The following SPAG1 variants were observed in gnomAD, a reference collection of about 807,000 sequenced individuals.
SPAG1 encodes sperm-associated antigen 1.
SPAG1 carries 69 observed loss-of-function variants against 100.5 expected under a neutral mutation model. That is an observed-to-expected ratio of 0.69 (90% CI 0.57 to 0.84). SPAG1 has a LOEUF of 0.84. Among genes scored for constraint, SPAG1 ranks in the 40% least tolerant of loss-of-function variants. SPAG1 has a pLI of 0.00. For missense variants in SPAG1, 955 were observed against 1,133.1 expected (o/e 0.84, Z 2.26); for synonymous variants, 336 against 411.6 (o/e 0.82, Z 2.22).
intron 12 of SPAG1, among the ~76,000 whole-genome samples, chr8:100,216,954 T>G (rs1334678923): frequency 1.1e-5 from 1 of 88,374 alleles, no homozygotes; most frequent in African/African-American, 4.8e-5. Flanking sequence ...TTTTTTTTTT[T>G]GAGACTGAGT....
At position 100,220,540 on chromosome 8, in the gene SPAG1, C is replaced by T. The variant is rs191135897; in HGVS notation, c.1688+109C>T. On this transcript the variant is annotated intron_variant, in intron 13 of 18. Coordinates refer to ENST00000388798, the MANE Select transcript of SPAG1 (RefSeq NM_003114.5). Reference sequence around the variant, plus strand: ...TAGATGTGTTATCAGTTACTTTTATCACCTGAATGATTGCCTTCTTTTATT... The same window carrying T: ...TAGATGTGTTATCAGTTACTTTTATTACCTGAATGATTGCCTTCTTTTATT... 4.4e-5 allele frequency: 39 copies of T among 877,448 alleles called. 2 individuals carry two copies. The African/African-American group carries it at 4.8e-4, about 11-fold the overall frequency. The allele number at this position is 877,448 out of a possible 1,614,324, so 54.4% of individuals were successfully genotyped here. A position where few individuals can be genotyped will look rare whatever the true frequency, so the allele number is the denominator to read the frequency against.
chr8:100,213,024 C>CGCGGCCTCA, intron 10 of SPAG1, 66 bp from the exon 11 acceptor site: 1 of 1,318,506 alleles, frequency 7.6e-7, no homozygotes, highest in Non-Finnish European at 9.7e-7. Flanking sequence ...CCGCGGCCTC[C>CGCGGCCTCA]GCGGCCTCCG....
At chr8:100,165,547 G>T in intron 2 of SPAG1, 1 of 391,906 alleles carries the variant, frequency 2.6e-6, no homozygotes, top group Non-Finnish European at 4.7e-6. Flanking sequence ...ACGGTGCCGG[G>T]GACCACACCG....
At chr8:100,240,172 A>G (rs1819192225) in intron 17 of SPAG1, among the ~76,000 whole-genome samples, 1 of 152,182 alleles carries the variant, frequency 6.6e-6, no homozygotes, top group South Asian at 2.1e-4. Context: ...CTAAAAATTA[A>G]ATTTTGTTGT....
In SPAG1 at chr8:100,240,649, A is replaced by G; in HGVS notation, c.2527A>G (p.Asn843Asp). ...APKDLPMFLSNKLEGDTFLLL... is the reference protein window; with the variant it reads ...APKDLPMFLSDKLEGDTFLLL... The stretch of plus-strand genomic sequence containing the variant: ...AAAAGATTTGCCGATGTTTTTAAGT[A>G]ACAAACTTGAAGGGGATACATTCCT... The change falls in exon 18 of 19, where the codon AAC becomes GAC. Residue 843 changes from asparagine to aspartate, a missense_variant. Physicochemically the swap from Asn to Asp is conservative, Grantham distance 23 (BLOSUM62 1). Transcript: ENST00000388798. 1 of 1,614,192 alleles carries G rather than the reference A, an allele frequency of 6.2e-7. No individual in the cohort carries two copies. Among genetic ancestry groups the G allele is most frequent in the Non-Finnish European group, 8.5e-7 (1 of 1,180,014 alleles).
At chr8:100,176,971 T>G (rs1490156903) in intron 3 of SPAG1, among the ~76,000 whole-genome samples, 5 of 151,546 alleles carry the variant, frequency 3.3e-5, no homozygotes, top group Non-Finnish European at 5.9e-5. Flanking sequence ...TTTCTTTTTT[T>G]TCAATGGTCC....
In SPAG1 at chr8:100,233,556, T is replaced by G. The variant is rs1312983905; in HGVS notation, c.2115+19T>G. 1.3e-6 allele frequency: 2 copies of G among 1,565,918 alleles called. No homozygotes were observed. Among genetic ancestry groups the G allele is most frequent in the South Asian group, 2.3e-5 (2 of 86,664 alleles). The stretch of plus-strand genomic sequence containing the variant: ...ACTCAAGGTGAGGAAATCTTCATTT[T>G]AATGCATAAACTTCAGCTCTGAACA... On this transcript the variant is annotated intron_variant, in intron 16 of 18. Coordinates refer to ENST00000388798, the MANE Select transcript of SPAG1 (RefSeq NM_003114.5).
At chr8:100,235,762 C>T (rs565760301) in intron 16 of SPAG1, among the ~76,000 whole-genome samples, 3 of 152,176 alleles carry the variant, frequency 2.0e-5, no homozygotes, top group East Asian at 3.9e-4. Context: ...CCAGGACCCC[C>T]GTGCTGCCCT....
chr8:100,207,836 C>T (rs970942878), intron 10 of SPAG1, among the ~76,000 whole-genome samples: 2 of 152,352 alleles, frequency 1.3e-5, no homozygotes, highest in Middle Eastern at 3.4e-3. Flanking sequence ...TATTCTCCAT[C>T]ATCCTGAAGC....
chr8:100,241,043 T>G lies in SPAG1; in HGVS notation c.*21T>G. 1 of 1,608,362 alleles carries G rather than the reference T, an allele frequency of 6.2e-7. No homozygotes were observed. Among genetic ancestry groups the G allele is most frequent in the Non-Finnish European group, 8.5e-7 (1 of 1,177,646 alleles). On this transcript the variant is annotated 3_prime_UTR_variant, in exon 19 of 19. Transcript: ENST00000388798. This position sits in a 1 kb window ranked among gnomAD's most constrained non-coding sequence, Gnocchi z 5.1. ...TTTAAATCAAGATAATTGTTAGATT[T>G]CTTCCATGCATGTATGTGTTCCAGG...
In SPAG1 at chr8:100,220,334, T is replaced by C. The variant is rs148641104; in HGVS notation, c.1591T>C (p.Tyr531His). Residue 531 changes from tyrosine (Y) to histidine (H), a missense_variant, in exon 13 of 19, where the codon TAT becomes CAT. Tyr to His is a moderately conservative substitution (Grantham distance 83). Coordinates refer to ENST00000388798, the MANE Select transcript of SPAG1 (RefSeq NM_003114.5). ...ACCTCTTCTGAGGCGGGCGATGGCCTATGAAACTCTAGAGCAGTATGGGAA... is the reference window on the plus strand; with the variant it reads ...ACCTCTTCTGAGGCGGGCGATGGCCCATGAAACTCTAGAGCAGTATGGGAA... ...MKPLLRRAMA[Y>H]ETLEQYGKAY... The C allele has an allele frequency of 9.3e-6, 15 of 1,614,134 alleles. No homozygotes were observed. In the African/African-American group the frequency reaches 1.6e-4, roughly 17 times the overall value.
chr8:100,183,054 A>G (rs1816432012), intron 4 of SPAG1, among the ~76,000 whole-genome samples: 1 of 151,824 alleles, frequency 6.6e-6, no homozygotes, highest in African/African-American at 2.4e-5. Flanking sequence ...GCTCACTGCA[A>G]CCTCCACCTC....
At chr8:100,217,407 T>C (rs879866287) in intron 12 of SPAG1, among the ~76,000 whole-genome samples, 14 of 152,150 alleles carry the variant, frequency 9.2e-5, no homozygotes, top group African/African-American at 1.7e-4. Flanking sequence ...CTGAGGAGCA[T>C]TGGTTGTTTT....
chr8:100,174,136 C>T (rs1163907044), intron 3 of SPAG1, among the ~76,000 whole-genome samples: 1 of 152,194 alleles, frequency 6.6e-6, no homozygotes, highest in Non-Finnish European at 1.5e-5. Context: ...CTACTTACAA[C>T]TTTTGACTCC....
At chr8:100,227,833 T>G (rs1818581009) in intron 14 of SPAG1, among the ~76,000 whole-genome samples, 1 of 146,766 alleles carries the variant, frequency 6.8e-6, no homozygotes, top group African/African-American at 2.5e-5. Context: ...TTGACCCTAT[T>G]GTGTCAGATT....
At chr8:100,238,173 CA>C (rs1202946762) in intron 16 of SPAG1, among the ~76,000 whole-genome samples, 1 of 152,184 alleles carries the variant, frequency 6.6e-6, no homozygotes, top group African/African-American at 2.4e-5. Flanking sequence ...GATATAAATA[CA>C]GTGTCATTTT....
chr8:100,225,321 C>T lies in SPAG1; in HGVS notation c.1837C>T (p.Arg613Cys), dbSNP rs201629491. ...ACAAGCAGGAGACTCCAGCAGCCATCGCCAGCAGGGCATCACAGGTGGGGG... is the reference window on the plus strand; with the variant it reads ...ACAAGCAGGAGACTCCAGCAGCCATTGCCAGCAGGGCATCACAGGTGGGGG... ...SKQAGDSSSH[R>C]QQGITDEKTF... is the part of the protein sequence containing the mutation. The change falls in exon 14 of 19, where the codon CGC becomes TGC. Residue 613 changes from arginine to cysteine, a missense_variant. Physicochemically the swap from Arg to Cys is radical, Grantham distance 180. Transcript: ENST00000388798. The T allele has an allele frequency of 3.1e-5, 50 of 1,613,502 alleles. No homozygotes were observed. Among genetic ancestry groups the T allele is most frequent in the Middle Eastern group, 1.7e-4 (1 of 5,822 alleles).
intron 2 of SPAG1, 136 bp downstream of exon 2, chr8:100,162,556 T>G: frequency 1.5e-6 from 1 of 675,438 alleles, no homozygotes; most frequent in Non-Finnish European, 2.4e-6. Context: ...GTGGTTTTGA[T>G]CCTATGGTTA....
At chr8:100,160,663 GC>G (rs1289004451) in intron 1 of SPAG1, among the ~76,000 whole-genome samples, 1 of 151,568 alleles carries the variant, frequency 6.6e-6, no homozygotes, top group Non-Finnish European at 1.5e-5. Flanking sequence ...TGTACAGAGT[GC>G]CCTTAGAACA....
Sources: allele counts gnomAD v4.1 joint callset (sites outside exome capture counted in the v4.1 genomes callset), GRCh38; gene constraint gnomAD v4.1.1; non-coding constraint Gnocchi (gnomAD v3.1); transcripts MANE v1.5; gene names NCBI Gene and HGNC (gene_info 2026-07-23, HGNC 2026-07-21).